ABCC1: variants seen among roughly 807,000 people sequenced by gnomAD.
The protein encoded by ABCC1 is multidrug resistance-associated protein 1.
ABCC1 carries 83 observed loss-of-function variants against 172.9 expected under a neutral mutation model. That is an observed-to-expected ratio of 0.48 (90% CI 0.40 to 0.58). The LOEUF (loss-of-function observed/expected upper bound fraction) is 0.58. Among genes scored for constraint, ABCC1 ranks in the 20% least tolerant of loss-of-function variants. ABCC1 has a pLI of 0.00. For missense variants in ABCC1, 1,817 were observed against 2,002.7 expected (o/e 0.91, Z 1.77); for synonymous variants, 937 against 825.2 (o/e 1.14, Z -2.32).
At position 16,111,547 on chromosome 16, in the gene ABCC1, G is replaced by A; in HGVS notation, c.3044G>A (p.Arg1015Gln). The change falls in exon 22 of 31, where the codon CGG becomes CAG. Residue 1015 changes from arginine (R) to glutamine (Q), a missense_variant. Arg to Gln is a conservative substitution (Grantham distance 43). Transcript: ENST00000399410. ...VNGTQEHTKV[R>Q]LSVYGALGIS... ...GGGACTCAGGAGCACACGAAAGTCC[G>A]GCTGAGCGTCTATGGAGCCCTGGGC... The A allele has an allele frequency of 5.6e-6, 9 of 1,613,906 alleles. No individual in the cohort carries two copies. The highest frequency in any genetic ancestry group is 2.2e-5 in the East Asian group (1 of 44,890).
chr16:16,099,285 C>G (rs2051621523), intron 19 of ABCC1, among the ~76,000 whole-genome samples: 1 of 152,220 alleles, frequency 6.6e-6, no homozygotes, highest in Non-Finnish European at 1.5e-5. Context: ...TCCTGGGGCA[C>G]AGTCAAGACA....
chr16:15,957,784 G>C (rs1487394623), intron 1 of ABCC1, among the ~76,000 whole-genome samples: 1 of 152,150 alleles, frequency 6.6e-6, no homozygotes. Flanking sequence ...ATAGAAACGG[G>C]GTTTCCAGTA....
At position 16,052,742 on chromosome 16, in the gene ABCC1, C is replaced by T. The variant is rs1475287921; in HGVS notation, c.1399C>T (p.Leu467=). The T allele has an allele frequency of 1.9e-6, 3 of 1,614,116 alleles. No homozygotes were observed. The highest frequency in any genetic ancestry group is 2.5e-6 in the Non-Finnish European group (3 of 1,180,014). The stretch of plus-strand genomic sequence containing the variant: ...TCCTTAGAATCTGGGCCCTTCCGTC[C>T]TGGCTGGAGTGGCGGTGATGGTCCT... ...LLWLNLGPSV[L]AGVAVMVLMV... is the part of the protein sequence containing the mutation. The change falls in exon 11 of 31, where the codon CTG becomes TTG. Residue 467 remains leucine, a synonymous_variant. Coordinates refer to ENST00000399410, the MANE Select transcript of ABCC1 (RefSeq NM_004996.4).
At chr16:16,021,372 C>A (rs1406502267) in intron 5 of ABCC1, among the ~76,000 whole-genome samples, 1 of 151,598 alleles carries the variant, frequency 6.6e-6, no homozygotes, top group Non-Finnish European at 1.5e-5. Flanking sequence ...CTAAGATTTG[C>A]CATTTTAACC....
intron 20 of ABCC1, among the ~76,000 whole-genome samples, chr16:16,105,150 G>T (rs549306713): frequency 2.0e-5 from 3 of 152,230 alleles, no homozygotes; most frequent in Non-Finnish European, 4.4e-5. Flanking sequence ...CACAGAGAGC[G>T]AGCGAGGGCT....
intron 7 of ABCC1, among the ~76,000 whole-genome samples, chr16:16,041,170 A>G (rs1410118707): frequency 1.3e-5 from 2 of 149,726 alleles, no homozygotes; most frequent in Admixed American, 6.7e-5. Context: ...GAGCTCAAGC[A>G]GTCCACCTAC....
At chr16:16,079,561 C>T (rs771874835) in intron 16 of ABCC1, 83 bp downstream of exon 16, 61 of 1,514,948 alleles carry the variant, frequency 4.0e-5, no homozygotes, top group Non-Finnish European at 4.7e-5. Context: ...TTTCTTTTGA[C>T]TGTCCCTGTG....
At chr16:16,050,729 C>CAAAAAAAAAA (rs35207136) in intron 10 of ABCC1, among the ~76,000 whole-genome samples, 1 of 66,614 alleles carries the variant, frequency 1.5e-5, no homozygotes, top group Non-Finnish European at 3.0e-5. Flanking sequence ...CCTGTCTCTA[C>CAAAAAAAAAA]AAAAAAAAAA....
In ABCC1 at chr16:16,093,979, CTTTTTTTTTT is replaced by C. The variant is rs578261751; in HGVS notation, c.2644+3404_2644+3413del. Among the ~76,000 whole-genome samples the C allele has an allele frequency of 6.6e-5, 7 of 106,658 alleles. No homozygotes were observed. The East Asian group carries it at 1.7e-3, about 26-fold the overall frequency. 70.0% of individuals were successfully genotyped at this position (106,658 alleles called of 152,430 possible). On this transcript the variant is annotated intron_variant, in intron 19 of 30. Transcript: ENST00000399410. Reference sequence around the variant, plus strand: ...TTTTTACTGTTTGTCTCCCTCTCTCCTTTTTTTTTTTTTTTTTTTTTTAACTTTTAATGGC... The same window carrying C: ...TTTTTACTGTTTGTCTCCCTCTCTCCTTTTTTTTTTTTAACTTTTAATGGC...
intron 1 of ABCC1, among the ~76,000 whole-genome samples, chr16:15,991,057 T>C (rs1455207109): frequency 6.6e-6 from 1 of 152,088 alleles, no homozygotes; most frequent in Non-Finnish European, 1.5e-5. Context: ...CATTTAGTTG[T>C]CTCCATCTTG....
intron 1 of ABCC1, among the ~76,000 whole-genome samples, chr16:15,967,082 G>C (rs1401848015): frequency 1.3e-5 from 2 of 152,068 alleles, no homozygotes; most frequent in African/African-American, 4.8e-5. Context: ...GACAAAGCTG[G>C]CCTATGTCCA....
intron 28 of ABCC1, among the ~76,000 whole-genome samples, chr16:16,134,876 A>C (rs1177537550): frequency 6.6e-6 from 1 of 152,108 alleles, no homozygotes; most frequent in East Asian, 1.9e-4. Context: ...TCCTGGGCTC[A>C]AGCAATCCAC....
intron 18 of ABCC1, among the ~76,000 whole-genome samples, chr16:16,089,397 A>G (rs1394974691): frequency 6.6e-6 from 1 of 151,846 alleles, no homozygotes; most frequent in African/African-American, 2.4e-5. Context: ...AAAATACAAA[A>G]ATTATCTGGG....
chr16:16,041,966 G>T (rs1046048873), intron 7 of ABCC1, among the ~76,000 whole-genome samples: 1 of 152,026 alleles, frequency 6.6e-6, no homozygotes, highest in Admixed American at 6.6e-5. Context: ...GTGTGGTGGC[G>T]CTCACCTGTA....
intron 18 of ABCC1, among the ~76,000 whole-genome samples, chr16:16,089,634 C>A (rs1202505820): frequency 6.6e-6 from 1 of 151,976 alleles, no homozygotes; most frequent in Non-Finnish European, 1.5e-5. Flanking sequence ...CTTTGGGAGG[C>A]CAAGATAGGC....
rs1555502588 is a variant in ABCC1, at chr16:16,124,335, G to GTGTGTGTGTA, written c.3591-445_3591-444insATGTGTGTGT. Among the ~76,000 whole-genome samples the GTGTGTGTGTA allele has an allele frequency of 1.4e-3, 123 of 87,970 alleles. 3 individuals carry two copies. Among genetic ancestry groups the GTGTGTGTGTA allele is most frequent in the African/African-American group, 4.9e-3 (110 of 22,458 alleles). 57.7% of individuals were successfully genotyped at this position (87,970 alleles called of 152,430 possible). A position where few individuals can be genotyped will look rare whatever the true frequency, so the allele number is the denominator to read the frequency against. ...ATGCACTGTGTGTGTGTGTGTGTGT[G>GTGTGTGTGTA]TGTGTGTGTGTGTGATTATAGGAGT... On this transcript the variant is annotated intron_variant, in intron 24 of 30. Coordinates refer to ENST00000399410, the MANE Select transcript of ABCC1 (RefSeq NM_004996.4).
intron 1 of ABCC1, among the ~76,000 whole-genome samples, chr16:15,983,976 G>C (rs1362537976): frequency 3.0e-4 from 45 of 152,124 alleles, no homozygotes; most frequent in Admixed American, 3.0e-3. Context: ...CTTTTCCCTT[G>C]TTTTCTGCCT....
chr16:16,002,953 T>C (rs906046266), intron 1 of ABCC1, among the ~76,000 whole-genome samples: 2 of 152,106 alleles, frequency 1.3e-5, no homozygotes, highest in African/African-American at 4.8e-5. Flanking sequence ...GGCTGTTAAT[T>C]TGGGGAGAAA....
At chr16:16,050,441 A>G (rs2049379303) in intron 10 of ABCC1, among the ~76,000 whole-genome samples, 1 of 152,104 alleles carries the variant, frequency 6.6e-6, no homozygotes, top group Non-Finnish European at 1.5e-5. Context: ...CTTGGGCAAC[A>G]GAGCGAGACT....
Sources: allele counts gnomAD v4.1 joint callset (sites outside exome capture counted in the v4.1 genomes callset), GRCh38; gene constraint gnomAD v4.1.1; transcripts MANE v1.5; gene names NCBI Gene and HGNC (gene_info 2026-07-23, HGNC 2026-07-21).